Variants in GDPD4 observed in about 807,000 individuals in gnomAD.
GDPD4 encodes the protein glycerophosphodiester phosphodiesterase domain containing 4.
GDPD4 carries 60 observed loss-of-function variants against 67.8 expected under a neutral mutation model. That is an observed-to-expected ratio of 0.88 (90% confidence interval 0.72 to 1.10). GDPD4 has a LOEUF of 1.10. Among genes scored for constraint, GDPD4 ranks in the 50% least tolerant of loss-of-function variants. The pLI, the probability that GDPD4 is intolerant of heterozygous loss-of-function variation, is 0.00. For synonymous variants in GDPD4, 212 were observed against 210.9 expected (o/e 1.00, Z -0.04); for missense variants, 623 against 613.9 (o/e 1.01, Z -0.16).
intron 16 of GDPD4, among the ~76,000 whole-genome samples, chr11:77,218,381 G>A (rs1352894616): frequency 6.6e-6 from 1 of 152,032 alleles, no homozygotes; most frequent in African/African-American, 2.4e-5. Context: ...GGTTATCATA[G>A]GATAGTTACC....
At chr11:77,253,401 A>G (rs1283417560) in intron 11 of GDPD4, among the ~76,000 whole-genome samples, 1 of 152,174 alleles carries the variant, frequency 6.6e-6, no homozygotes, top group Non-Finnish European at 1.5e-5. Context: ...GCAGCAGCCA[A>G]GTACCCCAGT....
intron 14 of GDPD4, 152 bp from the exon 15 acceptor site, chr11:77,229,384 A>C (rs1958411070): frequency 1.7e-6 from 1 of 583,294 alleles, no homozygotes; most frequent in Non-Finnish European, 3.1e-6. Flanking sequence ...GGCATTCTCA[A>C]ACACAGACAG....
intron 1 of GDPD4, among the ~76,000 whole-genome samples, chr11:77,289,043 G>A (rs983007244): frequency 4.0e-5 from 6 of 150,134 alleles, no homozygotes; most frequent in African/African-American, 1.2e-4. Context: ...GGAGGGAAGC[G>A]GGAGAGAGAA....
intron 5 of GDPD4, among the ~76,000 whole-genome samples, chr11:77,274,242 T>C (rs1325056853): frequency 1.3e-5 from 2 of 152,260 alleles, no homozygotes; most frequent in Non-Finnish European, 2.9e-5. Flanking sequence ...CCATCTATTC[T>C]AATAACTCTA....
intron 16 of GDPD4, among the ~76,000 whole-genome samples, chr11:77,220,398 A>G (rs1000808917): frequency 1.3e-5 from 2 of 152,214 alleles, no homozygotes; most frequent in African/African-American, 2.4e-5. Flanking sequence ...TAGTTTATTG[A>G]GAGTTTTTAG....
chr11:77,296,325 A>ATT (rs150817128), intron 1 of GDPD4, among the ~76,000 whole-genome samples: 3 of 141,512 alleles, frequency 2.1e-5, no homozygotes, highest in Non-Finnish European at 1.5e-5. Context: ...TTTTTAATTA[A>ATT]TTTTTTTTTT....
chr11:77,235,009 G>GTTTTTTTTTTTTTTTTTTTT lies in GDPD4; in HGVS notation c.1242-1857_1242-1838dup, dbSNP rs57989259. Reference sequence around the variant, plus strand: ...TCTCTCTGCAACCTTGTCAATATCTGTTTTTTTTTTTTTTTTTTTTTTTTT... The same window carrying GTTTTTTTTTTTTTTTTTTTT: ...TCTCTCTGCAACCTTGTCAATATCTGTTTTTTTTTTTTTTTTTTTTTTTTTTTTTTTTTTTTTTTTTTTTT... On this transcript the variant is annotated intron_variant, in intron 13 of 16. Coordinates refer to ENST00000315938, the MANE Select transcript of GDPD4 (RefSeq NM_182833.3). 1.1e-3 allele frequency among the ~76,000 whole-genome samples: 57 copies of GTTTTTTTTTTTTTTTTTTTT among 52,262 alleles called. 8 individuals carry two copies. The highest frequency in any genetic ancestry group is 2.9e-3 in the East Asian group (4 of 1,392). 34.3% of individuals were successfully genotyped at this position (52,262 alleles called of 152,430 possible). A position where few individuals can be genotyped will look rare whatever the true frequency, so the allele number is the denominator to read the frequency against.
At chr11:77,264,376 A>G (rs906818179) in intron 10 of GDPD4, among the ~76,000 whole-genome samples, 1 of 152,108 alleles carries the variant, frequency 6.6e-6, no homozygotes, top group African/African-American at 2.4e-5. Context: ...TTTGGGGTGA[A>G]CTTGGGGTAG....
chr11:77,234,017 A>G (rs138240831), intron 13 of GDPD4, among the ~76,000 whole-genome samples: 109 of 152,300 alleles, frequency 7.2e-4, no homozygotes, highest in South Asian at 3.5e-3. Flanking sequence ...TCAGGGATTC[A>G]ATTTCTCAGA....
chr11:77,252,297 CA>C (rs2135852745), intron 11 of GDPD4, among the ~76,000 whole-genome samples: 1 of 152,074 alleles, frequency 6.6e-6, no homozygotes, highest in East Asian at 1.9e-4. Flanking sequence ...CTCCTGACCT[CA>C]GGTGATCCAG....
intron 5 of GDPD4, among the ~76,000 whole-genome samples, chr11:77,275,132 G>A (rs1959398600): frequency 6.6e-6 from 1 of 152,152 alleles, no homozygotes. Flanking sequence ...TCCCTGATTT[G>A]AGCATTATGC....
At chr11:77,253,731 T>C (rs916128912) in intron 11 of GDPD4, among the ~76,000 whole-genome samples, 2 of 152,150 alleles carry the variant, frequency 1.3e-5, no homozygotes, top group African/African-American at 4.8e-5. Context: ...CCAGGCACCA[T>C]TTCCCTGCCA....
intron 3 of GDPD4, among the ~76,000 whole-genome samples, chr11:77,282,832 T>C (rs1021662886): frequency 6.6e-6 from 1 of 151,998 alleles, no homozygotes; most frequent in Admixed American, 6.6e-5. Flanking sequence ...TAAAGACAAA[T>C]ATTGCCAAAC....
At chr11:77,272,086 T>C (rs1959245382) in intron 5 of GDPD4, among the ~76,000 whole-genome samples, 4 of 152,216 alleles carry the variant, frequency 2.6e-5, no homozygotes, top group African/African-American at 9.6e-5. Flanking sequence ...TACTTAGCTC[T>C]CCTTTCCATA....
At chr11:77,268,592 A>G in intron 9 of GDPD4, 53 bp from the exon 10 acceptor site, 1 of 1,379,844 alleles carries the variant, frequency 7.2e-7, no homozygotes, top group Non-Finnish European at 1.0e-6. Context: ...TCCTCCCAGC[A>G]TTCCTTTTGT....
At chr11:77,261,489 C>T (rs1449285472) in intron 10 of GDPD4, among the ~76,000 whole-genome samples, 2 of 152,258 alleles carry the variant, frequency 1.3e-5, no homozygotes, top group South Asian at 2.1e-4. Context: ...CTCCCTGCCT[C>T]GGCCTCCCAA....
Position 77,268,542 on chromosome 11 carries a change from G to T in GDPD4, c.625-3C>A. ...ATCATGGTATTCTCAGGCCCCAACTGTAGAAGAAAAGGACATCAGGCCCTA... is the reference window on the plus strand; with the variant it reads ...ATCATGGTATTCTCAGGCCCCAACTTTAGAAGAAAAGGACATCAGGCCCTA... On this transcript the variant is annotated splice_polypyrimidine_tract_variant and splice_region_variant and intron_variant, in intron 9 of 16. Transcript: ENST00000315938. 1 of 1,608,678 alleles carries T rather than the reference G, an allele frequency of 6.2e-7. No homozygotes were observed. Among genetic ancestry groups the T allele is most frequent in the Non-Finnish European group, 8.5e-7 (1 of 1,175,384 alleles).
chr11:77,265,904 T>TAC (rs753027523), intron 10 of GDPD4, among the ~76,000 whole-genome samples: 151 of 152,322 alleles, frequency 9.9e-4, no homozygotes, highest in Non-Finnish European at 1.6e-3. Context: ...AATGGAATCA[T>TAC]ACAGTATATA....
At position 77,229,211 on chromosome 11, in the gene GDPD4, T is replaced by G; in HGVS notation, c.1411A>C (p.Met471Leu). 1 of 1,607,282 alleles carries G rather than the reference T, an allele frequency of 6.2e-7. No homozygotes were observed. The highest frequency in any genetic ancestry group is 8.5e-7 in the Non-Finnish European group (1 of 1,176,452). Residue 471 changes from methionine to leucine, a missense_variant, in exon 15 of 17, where the codon ATG becomes CTG. Physicochemically the swap from Met to Leu is conservative, Grantham distance 15. Coordinates refer to ENST00000315938, the MANE Select transcript of GDPD4 (RefSeq NM_182833.3). ...FFMTPKFYVFMWLLADIISVL... is the reference protein window; with the variant it reads ...FFMTPKFYVFLWLLADIISVL... ...GAAATGATATCTGCAAGGAGCCACATGAACACATAGAACTTTGGTGTCTGA... is the reference window on the plus strand; with the variant it reads ...GAAATGATATCTGCAAGGAGCCACAGGAACACATAGAACTTTGGTGTCTGA...
Sources: allele counts gnomAD v4.1 joint callset (sites outside exome capture counted in the v4.1 genomes callset), GRCh38; gene constraint gnomAD v4.1.1; transcripts MANE v1.5; gene names NCBI Gene and HGNC (gene_info 2026-07-23, HGNC 2026-07-21).